DLEU7: variants seen among roughly 807,000 people sequenced by gnomAD.
DLEU7 encodes the protein deleted in lymphocytic leukemia 7.
DLEU7 carries 17 observed loss-of-function variants against 16.0 expected under a neutral mutation model. That is an observed-to-expected ratio of 1.06 (90% CI 0.73 to 1.59). DLEU7 has a LOEUF of 1.59. Ranked by LOEUF, DLEU7 falls within the 40% of genes most tolerant of loss-of-function variation. The pLI is 0.00. For missense variants in DLEU7, 308 were observed against 314.9 expected, an observed-to-expected ratio of 0.98 and a Z score of 0.17; for synonymous variants, 113 against 139.8, an observed-to-expected ratio of 0.81 and a Z score of 1.35.
At chr13:50,754,078 T>G (rs1017870745) in intron 1 of DLEU7, among the ~76,000 whole-genome samples, 7 of 152,244 alleles carry the variant, frequency 4.6e-5, no homozygotes, top group African/African-American at 1.7e-4. Context: ...TATTCCAGCT[T>G]ATTTTATGGC....
intron 1 of DLEU7, among the ~76,000 whole-genome samples, chr13:50,732,507 C>T (rs1194022771): frequency 6.2e-5 from 9 of 144,980 alleles, no homozygotes; most frequent in Non-Finnish European, 8.9e-5. Flanking sequence ...CTACTCAGGT[C>T]GAGGCAGGAG....
At chr13:50,800,976 T>C (rs1813650181) in intron 1 of DLEU7, among the ~76,000 whole-genome samples, 1 of 152,056 alleles carries the variant, frequency 6.6e-6, no homozygotes, top group Admixed American at 6.6e-5. Context: ...ACTCTGAGAG[T>C]GACCACTAGC....
At chr13:50,742,533 G>A (rs1333338179) in intron 1 of DLEU7, among the ~76,000 whole-genome samples, 1 of 152,090 alleles carries the variant, frequency 6.6e-6, no homozygotes, top group Non-Finnish European at 1.5e-5. Context: ...AGGGTTCAAG[G>A]TTTATGATTT....
At chr13:50,837,548 T>G (rs1445009863) in intron 1 of DLEU7, among the ~76,000 whole-genome samples, 1 of 152,200 alleles carries the variant, frequency 6.6e-6, no homozygotes, top group Non-Finnish European at 1.5e-5. Flanking sequence ...ACTGCACCTT[T>G]TTTCTAATAT....
At chr13:50,806,928 G>A (rs1222371607) in intron 1 of DLEU7, among the ~76,000 whole-genome samples, 1 of 129,470 alleles carries the variant, frequency 7.7e-6, no homozygotes, top group Admixed American at 8.1e-5. Flanking sequence ...GGGTGACAGA[G>A]CTAGACTCAC....
At chr13:50,802,246 A>G (rs1593401213) in intron 1 of DLEU7, among the ~76,000 whole-genome samples, 3 of 152,230 alleles carry the variant, frequency 2.0e-5, no homozygotes, top group Non-Finnish European at 4.4e-5. Flanking sequence ...TGATTTCAAT[A>G]GAAACCCAAC....
chr13:50,716,505 T>C lies in DLEU7; in HGVS notation c.460-3265A>G, dbSNP rs1406360821. ...CTAATGTTTTTTGATCTCTAATCCT[T>C]GGGCTACCTTTTCCGTGATGTCACG... On this transcript the variant is annotated intron_variant, in intron 1 of 1. Transcript: ENST00000400393. Among the ~76,000 whole-genome samples the C allele has an allele frequency of 2.6e-5, 4 of 152,382 alleles. No individual in the cohort carries two copies. The East Asian group carries it at 7.7e-4, about 29-fold the overall frequency.
intron 1 of DLEU7, among the ~76,000 whole-genome samples, chr13:50,778,387 CA>C (rs1397388683): frequency 6.6e-6 from 1 of 152,124 alleles, no homozygotes; most frequent in East Asian, 1.9e-4. Context: ...GGGACACAGC[CA>C]AACCAGATTA....
chr13:50,734,710 A>G (rs748736654), intron 1 of DLEU7, among the ~76,000 whole-genome samples: 2 of 152,192 alleles, frequency 1.3e-5, no homozygotes, highest in African/African-American at 4.8e-5. Flanking sequence ...ATGAAGTCCC[A>G]GGGACTGGTG....
At chr13:50,720,188 A>G (rs1873558615) in intron 1 of DLEU7, among the ~76,000 whole-genome samples, 1 of 152,214 alleles carries the variant, frequency 6.6e-6, no homozygotes, top group Non-Finnish European at 1.5e-5. Flanking sequence ...GCTTGGAACC[A>G]GGGCATCGTC....
Position 50,843,527 on chromosome 13 carries a change from C to T in DLEU7, c.120G>A (p.Pro40=). ...WGDGPVAPGN[P]RDPDHVSTAP... ...CGGTGGACACGTGGTCTGGGTCCCG[C>T]GGGTTCCCGGGGGCGACTGGACCGT... The change falls in exon 1 of 2, where the codon CCG becomes CCA. Residue 40 remains proline (P), a synonymous_variant. Transcript: ENST00000504404. This position sits in a 1 kb window ranked among gnomAD's most constrained non-coding sequence, Gnocchi z 5.7. 1.4e-6 allele frequency: 2 copies of T among 1,432,706 alleles called. No homozygotes were observed. Among genetic ancestry groups the T allele is most frequent in the East Asian group, 6.1e-5 (2 of 32,814 alleles). The allele number at this position is 1,432,706 out of a possible 1,614,324, so 88.7% of individuals were successfully genotyped here. A position where few individuals can be genotyped will look rare whatever the true frequency, so the allele number is the denominator to read the frequency against.
intron 1 of DLEU7, among the ~76,000 whole-genome samples, chr13:50,836,278 C>T (rs140625550): frequency 1.9e-4 from 29 of 150,588 alleles, no homozygotes; most frequent in African/African-American, 3.7e-4. Context: ...ACAGAGAGCA[C>T]GAAGGAAAGA....
downstream of DLEU7, among the ~76,000 whole-genome samples, chr13:50,819,406 A>G (rs1593408613): frequency 6.6e-6 from 1 of 152,150 alleles, no homozygotes; most frequent in African/African-American, 2.4e-5. Context: ...CTATTGGTAG[A>G]GCAGAGACAT....
intron 1 of DLEU7, among the ~76,000 whole-genome samples, chr13:50,806,796 T>C (rs1436478781): frequency 6.6e-6 from 1 of 151,990 alleles, no homozygotes; most frequent in Non-Finnish European, 1.5e-5. Context: ...GTTGTATTTA[T>C]ACTATTCAGA....
intron 1 of DLEU7, among the ~76,000 whole-genome samples, chr13:50,761,834 AT>A (rs1213460762): frequency 6.6e-6 from 1 of 152,226 alleles, no homozygotes; most frequent in Non-Finnish European, 1.5e-5. Flanking sequence ...CTGACCTGTT[AT>A]TCTAATAGGC....
intron 1 of DLEU7, among the ~76,000 whole-genome samples, chr13:50,831,867 T>C (rs966987403): frequency 6.6e-6 from 1 of 152,220 alleles, no homozygotes; most frequent in Non-Finnish European, 1.5e-5. Flanking sequence ...CTTTTTGATG[T>C]GCTACTGGAT....
intron 1 of DLEU7, among the ~76,000 whole-genome samples, chr13:50,746,694 C>T (rs1874405531): frequency 6.6e-6 from 1 of 152,068 alleles, no homozygotes; most frequent in South Asian, 2.1e-4. Flanking sequence ...AGATTTATCC[C>T]CTTATAATAC....
intron 1 of DLEU7, among the ~76,000 whole-genome samples, chr13:50,815,878 T>A (rs1876717932): frequency 6.6e-6 from 1 of 152,000 alleles, no homozygotes; most frequent in Non-Finnish European, 1.5e-5. Flanking sequence ...ACCCCACTTT[T>A]TTATGAAAAA....
At chr13:50,744,392 A>C (rs1874333249) in intron 1 of DLEU7, among the ~76,000 whole-genome samples, 1 of 152,190 alleles carries the variant, frequency 6.6e-6, no homozygotes, top group Non-Finnish European at 1.5e-5. Flanking sequence ...CCTTATATTA[A>C]ATTCACTCTG....
Sources: gnomAD v4.1 joint callset for allele counts (sites outside exome capture counted in the v4.1 genomes callset) on GRCh38, gnomAD v4.1.1 for gene constraint, Gnocchi (gnomAD v3.1) non-coding constraint, MANE v1.5 for transcripts, NCBI Gene and HGNC (gene_info 2026-07-23, HGNC 2026-07-21) for gene names.